ADAMTS16: variants seen among roughly 807,000 people sequenced by gnomAD.
ADAMTS16 encodes ADAM metallopeptidase with thrombospondin type 1 motif 16, also known as A disintegrin and metalloproteinase with thrombospondin motifs 16.
Under a neutral mutation model 145.8 loss-of-function variants are expected in ADAMTS16, and 94 were observed. The observed-to-expected ratio is 0.64, with a 90% CI of 0.55 to 0.77. The LOEUF (loss-of-function observed/expected upper bound fraction) is 0.77, where lower values mean the gene tolerates loss of function less well. Among genes scored for constraint, ADAMTS16 ranks in the 30% least tolerant of loss-of-function variants. The probability of loss-of-function intolerance (pLI) is 0.00; values close to 1 mark genes in which losing one functional copy is unlikely to be tolerated. For missense variants in ADAMTS16, 1,585 were observed against 1,591.5 expected (o/e 1.00, Z 0.07); for synonymous variants, 659 against 604.3 (o/e 1.09, Z -1.33).
intron 10 of ADAMTS16, among the ~76,000 whole-genome samples, chr5:5,218,656 C>A (rs1427565681): frequency 2.0e-5 from 3 of 152,196 alleles, no homozygotes; most frequent in Non-Finnish European, 4.4e-5. Flanking sequence ...AACTGGGTCA[C>A]CCCTGTGGCC....
chr5:5,250,477 G>GA (rs1483143923), intron 17 of ADAMTS16, among the ~76,000 whole-genome samples: 3 of 152,154 alleles, frequency 2.0e-5, no homozygotes, highest in Non-Finnish European at 2.9e-5. Flanking sequence ...GATTAACCAT[G>GA]AAAAATGGTT....
intron 3 of ADAMTS16, among the ~76,000 whole-genome samples, chr5:5,178,262 G>A (rs1454816779): frequency 1.3e-5 from 2 of 152,226 alleles, no homozygotes; most frequent in South Asian, 4.1e-4. Context: ...TCATGAGAAA[G>A]GCAGACCCTG....
At chr5:5,297,263 G>A (rs1248406717) in intron 18 of ADAMTS16, among the ~76,000 whole-genome samples, 1 of 152,190 alleles carries the variant, frequency 6.6e-6, no homozygotes, top group Non-Finnish European at 1.5e-5. Flanking sequence ...GTGGATCACA[G>A]CAGAGAGGAT....
chr5:5,228,041 C>T (rs1736818735), intron 11 of ADAMTS16, among the ~76,000 whole-genome samples: 1 of 152,168 alleles, frequency 6.6e-6, no homozygotes, highest in South Asian at 2.1e-4. Context: ...AAATACTAAT[C>T]AATAGCTATT....
At position 5,190,029 on chromosome 5, in the gene ADAMTS16, A is replaced by C. The variant is rs1379864636; in HGVS notation, c.1106A>C (p.Gln369Pro). The C allele has an allele frequency of 7.4e-6, 12 of 1,613,290 alleles. No homozygotes were observed. The highest frequency in any genetic ancestry group is 1.0e-5 in the Non-Finnish European group (12 of 1,179,718). ...DHTLSSFCQW[Q>P]SGLMGKDGTR... is the part of the protein sequence containing the mutation. Reference sequence around the variant, plus strand: ...ACCTTAAGTAGCTTCTGCCAGTGGCAGTCTGGATTGATGGGGAAAGATGGG... The same window carrying C: ...ACCTTAAGTAGCTTCTGCCAGTGGCCGTCTGGATTGATGGGGAAAGATGGG... The change falls in exon 7 of 23, where the codon CAG becomes CCG. Residue 369 changes from glutamine (Q) to proline (P), a missense_variant. Gln to Pro is a moderately conservative substitution (Grantham distance 76, BLOSUM62 -1). Around this residue, in one of 3 missense-constraint regions of ADAMTS16, gnomAD observed 298 missense variants for 367.6 expected, o/e 0.81. Transcript: ENST00000274181.
Position 5,306,632 on chromosome 5 carries a change from G to T in ADAMTS16, c.3315G>T (p.Leu1105=), listed in dbSNP as rs771745656. 1.6e-5 allele frequency: 26 copies of T among 1,614,082 alleles called. No individual in the cohort carries two copies. Among genetic ancestry groups the T allele is most frequent in the Non-Finnish European group, 2.0e-5 (24 of 1,180,046 alleles). The change falls in exon 21 of 23, where the codon CTG becomes CTT. Residue 1105 remains leucine (L), a synonymous_variant. Coordinates refer to ENST00000274181, the MANE Select transcript of ADAMTS16 (RefSeq NM_139056.4). The part of the protein sequence containing the change: ...CSHLPKPSLE[L]ERACAPLPCP... ...ATTTGCCGAAGCCCAGCCTGGAGCT[G>T]GAACGTGCCTGCGCCCCGCTTCCAT...
In ADAMTS16 at chr5:5,191,673, T is replaced by C. The variant is rs772758246; in HGVS notation, c.1208-12T>C. The C allele has an allele frequency of 1.2e-6, 2 of 1,602,168 alleles. No individual in the cohort carries two copies. Among genetic ancestry groups the C allele is most frequent in the South Asian group, 2.2e-5 (2 of 90,510 alleles). ...CACCGCTATGTGTTCTTTTGATCTTTGTCCTTCACAGGATTTGCACCCATA... is the reference window on the plus strand; with the variant it reads ...CACCGCTATGTGTTCTTTTGATCTTCGTCCTTCACAGGATTTGCACCCATA... On this transcript the variant is annotated splice_polypyrimidine_tract_variant and intron_variant, in intron 7 of 22. Transcript: ENST00000274181.
chr5:5,318,715 G>C (rs780138791), intron 22 of ADAMTS16, among the ~76,000 whole-genome samples: 3 of 152,158 alleles, frequency 2.0e-5, no homozygotes, highest in African/African-American at 7.2e-5. Context: ...TGAGGAAGGC[G>C]AGTGGTTTGG....
chr5:5,260,798 G>A (rs912319096), intron 17 of ADAMTS16, among the ~76,000 whole-genome samples: 1 of 152,204 alleles, frequency 6.6e-6, no homozygotes, highest in African/African-American at 2.4e-5. Context: ...CTGGTTTTCA[G>A]TGTATATTTT....
At chr5:5,298,132 A>T (rs1739622370) in intron 18 of ADAMTS16, among the ~76,000 whole-genome samples, 4 of 152,080 alleles carry the variant, frequency 2.6e-5, no homozygotes, top group Admixed American at 2.0e-4. Flanking sequence ...ACATCTATGC[A>T]AACCAACTGT....
At chr5:5,233,853 A>G (rs946892304) in intron 12 of ADAMTS16, among the ~76,000 whole-genome samples, 3 of 152,224 alleles carry the variant, frequency 2.0e-5, no homozygotes, top group Admixed American at 2.0e-4. Flanking sequence ...CTTTGGATAT[A>G]TACTCAGTAA....
chr5:5,173,277 C>T (rs1157078550), intron 3 of ADAMTS16, among the ~76,000 whole-genome samples: 7 of 151,072 alleles, frequency 4.6e-5, no homozygotes, highest in African/African-American at 1.5e-4. Context: ...TAAGGACTTA[C>T]TCCTGCTATT....
At chr5:5,202,679 G>A (rs527753172) in intron 9 of ADAMTS16, among the ~76,000 whole-genome samples, 2 of 152,234 alleles carry the variant, frequency 1.3e-5, no homozygotes, top group South Asian at 4.2e-4. Flanking sequence ...TAGTTTTCTA[G>A]ATTCAGAATT....
At chr5:5,313,632 G>A (rs2126534949) in intron 21 of ADAMTS16, among the ~76,000 whole-genome samples, 1 of 152,330 alleles carries the variant, frequency 6.6e-6, no homozygotes, top group South Asian at 2.1e-4. Flanking sequence ...TTTGTGACCA[G>A]GACAGCGCAC....
chr5:5,303,903 C>A, intron 20 of ADAMTS16, 137 bp downstream of exon 20: 1 of 970,400 alleles, frequency 1.0e-6, no homozygotes, highest in Non-Finnish European at 1.5e-6. Flanking sequence ...ACCTTCTCAG[C>A]TTCCAACAAC....
intron 18 of ADAMTS16, among the ~76,000 whole-genome samples, chr5:5,272,331 C>T (rs895949320): frequency 1.7e-4 from 25 of 150,358 alleles, no homozygotes; most frequent in Non-Finnish European, 3.0e-4. Context: ...GTTTTATTCT[C>T]GGCTGTTGCT....
intron 3 of ADAMTS16, 95 bp from the exon 4 acceptor site, chr5:5,181,949 A>G (rs1735349934): frequency 2.2e-6 from 3 of 1,386,278 alleles, no homozygotes; most frequent in Admixed American, 4.5e-5. Context: ...CATGCTTCCA[A>G]GAGAATAATA....
intron 6 of ADAMTS16, among the ~76,000 whole-genome samples, chr5:5,189,022 C>CCCGT (rs1248366083): frequency 6.6e-6 from 1 of 152,152 alleles, no homozygotes; most frequent in Non-Finnish European, 1.5e-5. Context: ...AAGGCTTGCC[C>CCCGT]CCGTGTTTGT....
At chr5:5,290,090 A>G (rs989065682) in intron 18 of ADAMTS16, among the ~76,000 whole-genome samples, 3 of 152,196 alleles carry the variant, frequency 2.0e-5, no homozygotes, top group African/African-American at 7.2e-5. Context: ...TTATCTTCTC[A>G]GCGATTTAGG....
Sources: gnomAD v4.1 joint callset for allele counts (sites outside exome capture counted in the v4.1 genomes callset) on GRCh38, gnomAD v4.1.1 for gene constraint, gnomAD v4.1.1 regional missense constraint, MANE v1.5 for transcripts, NCBI Gene and HGNC (gene_info 2026-07-23, HGNC 2026-07-21) for gene names.